Variants in ATAD2B observed in about 807,000 individuals in gnomAD.
ATAD2B encodes the protein ATPase family AAA domain-containing protein 2B.
In ATAD2B, 40 loss-of-function variants were observed where a neutral mutation model predicts 167.6. The observed-to-expected ratio is 0.24, with a 90% CI of 0.19 to 0.31. The LOEUF (loss-of-function observed/expected upper bound fraction) is 0.31. Ranked by LOEUF, ATAD2B falls within the 10% of genes least tolerant of loss-of-function variation. The pLI is 1.00. For missense variants in ATAD2B, 1,242 were observed against 1,757.2 expected (o/e 0.71, Z 5.24); for synonymous variants, 579 against 596.5 (o/e 0.97, Z 0.43).
intron 12 of ATAD2B, among the ~76,000 whole-genome samples, chr2:23,861,410 A>G (rs1694347727): frequency 6.6e-6 from 1 of 151,632 alleles, no homozygotes; most frequent in Admixed American, 6.6e-5. Flanking sequence ...TAGCCAATAC[A>G]CTGTAGTGCC....
rs771534065 is a variant in ATAD2B at position 23,887,966 on chromosome 2, A to G, written c.438T>C (p.Leu146=). Residue 146 remains leucine (L), a synonymous_variant, in exon 4 of 28, where the codon CTT becomes CTC. Transcript: ENST00000238789. ...CCCCATCTCCCTTCTTTTCCCCTCG[A>G]AGGGGATGGCTTCGAAGGGCTACAA... is the stretch of plus-strand genomic sequence containing the variant. ...HSGLSLRSHP[L]RGEKKGDGDL... 2.5e-6 allele frequency: 4 copies of G among 1,598,908 alleles called. No homozygotes were observed. The highest frequency in any genetic ancestry group is 2.3e-5 in the East Asian group (1 of 43,812).
intron 7 of ATAD2B, among the ~76,000 whole-genome samples, chr2:23,879,473 G>A (rs1043947378): frequency 1.3e-5 from 2 of 152,098 alleles, no homozygotes; most frequent in Non-Finnish European, 1.5e-5. Context: ...AGGCATGGTG[G>A]TTGTACACCT....
At position 23,762,990 on chromosome 2, in the gene ATAD2B, G is replaced by A. The variant is rs550677520; in HGVS notation, c.3257-644C>T. Among the ~76,000 whole-genome samples the A allele has an allele frequency of 2.1e-4, 32 of 152,212 alleles. No individual in the cohort carries two copies. In the Middle Eastern group the frequency reaches 0.01, roughly 49 times the overall value. On this transcript the variant is annotated intron_variant, in intron 23 of 27. Transcript: ENST00000238789. ...CTATTATATAATAATTCTCAAATCT[G>A]TATCTTTAGCCCAAACATCTCTGAT...
At chr2:23,715,473 C>A in the ATAD2B span, among the ~76,000 whole-genome samples, 1 of 151,846 alleles carries the variant, frequency 6.6e-6, no homozygotes, top group African/African-American at 2.4e-5. Context: ...ACTCGGGAGG[C>A]TGAGGCAGGA....
the ATAD2B span, among the ~76,000 whole-genome samples, chr2:23,737,689 C>G: frequency 6.6e-6 from 1 of 152,174 alleles, no homozygotes; most frequent in African/African-American, 2.4e-5. Context: ...CGGAACAAAG[C>G]TGGACGCAGA....
At chr2:23,915,205 T>C (rs1352225817) in intron 1 of ATAD2B, among the ~76,000 whole-genome samples, 1 of 152,272 alleles carries the variant, frequency 6.6e-6, no homozygotes, top group African/African-American at 2.4e-5. Flanking sequence ...ATAAGCTCTA[T>C]AGCTAAATAT....
rs11378615 is a variant in ATAD2B at position 23,834,152 on chromosome 2, C to CTTTTTTT, written c.1569-81_1569-75dup. On this transcript the variant is annotated intron_variant, in intron 13 of 27. Coordinates refer to ENST00000238789, the MANE Select transcript of ATAD2B (RefSeq NM_017552.4). ...CTTACAATAACGTTTATCAGTCTTT[C>CTTTTTTT]TTTTTTTTTTTTTTTTTTTTTTTTT... 259 of 119,638 alleles carry CTTTTTTT rather than the reference C, an allele frequency of 2.2e-3. 20 individuals are homozygous for CTTTTTTT. Among genetic ancestry groups the CTTTTTTT allele is most frequent in the African/African-American group, 2.5e-3 (46 of 18,454 alleles). The allele number at this position is 119,638 out of a possible 1,614,324, so 7.4% of individuals were successfully genotyped here.
the ATAD2B span, among the ~76,000 whole-genome samples, chr2:23,715,556 A>G: frequency 6.6e-6 from 1 of 152,112 alleles, no homozygotes; most frequent in African/African-American, 2.4e-5. Context: ...CCTGGGCAAC[A>G]GAGCAAGACT....
At chr2:23,805,111 C>G (rs2149495647) in intron 18 of ATAD2B, among the ~76,000 whole-genome samples, 1 of 151,260 alleles carries the variant, frequency 6.6e-6, no homozygotes, top group Non-Finnish European at 1.5e-5. Flanking sequence ...CTATTGTACT[C>G]CAGCCTGGAC....
intron 4 of ATAD2B, among the ~76,000 whole-genome samples, chr2:23,887,218 C>T (rs1352062853): frequency 1.3e-5 from 2 of 152,044 alleles, no homozygotes; most frequent in African/African-American, 2.4e-5. Flanking sequence ...GAGCCAAGAT[C>T]GCGTCACTGC....
At chr2:23,767,680 T>C (rs560879960) in intron 22 of ATAD2B, among the ~76,000 whole-genome samples, 15 of 152,242 alleles carry the variant, frequency 9.9e-5, no homozygotes, top group Non-Finnish European at 1.5e-5. Context: ...GCATAGTCAC[T>C]AGGCTTTATT....
chr2:23,865,059 T>A, intron 10 of ATAD2B, 135 bp from the exon 11 acceptor site: 1 of 494,162 alleles, frequency 2.0e-6, no homozygotes. Context: ...TACAAATAAG[T>A]GTAGAAAAAA....
intron 8 of ATAD2B, among the ~76,000 whole-genome samples, chr2:23,870,208 G>GA (rs11301038): frequency 1.8e-3 from 222 of 123,902 alleles, no homozygotes; most frequent in Non-Finnish European, 2.6e-3. Context: ...CTCCTTCTCG[G>GA]AAAAAAAAAA....
At chr2:23,715,137 G>C in the ATAD2B span, among the ~76,000 whole-genome samples, 1 of 152,112 alleles carries the variant, frequency 6.6e-6, no homozygotes, top group South Asian at 2.1e-4. Context: ...TCTGGAAAAG[G>C]CTCTTAGACA....
At chr2:23,804,476 T>A (rs1684016492) in intron 18 of ATAD2B, among the ~76,000 whole-genome samples, 1 of 152,090 alleles carries the variant, frequency 6.6e-6, no homozygotes, top group Admixed American at 6.6e-5. Flanking sequence ...ATGAGATGCC[T>A]TAATGTACTA....
chr2:23,684,569 G>C, the ATAD2B span: 8 of 1,517,746 alleles, frequency 5.3e-6, no homozygotes, highest in East Asian at 2.5e-5. The surrounding 1 kb of genome is among the most constrained non-coding windows in gnomAD (Gnocchi z 4.4). Flanking sequence ...GGTCGGGTCT[G>C]TTCCTTTGTA....
intron 18 of ATAD2B, among the ~76,000 whole-genome samples, chr2:23,807,822 A>ATATATAT (rs1252139455): frequency 7.9e-6 from 1 of 126,220 alleles, no homozygotes; most frequent in African/African-American, 3.1e-5. Flanking sequence ...TCTTAAAAAA[A>ATATATAT]AAAAAAATAT....
At chr2:23,716,188 T>C in the ATAD2B span, among the ~76,000 whole-genome samples, 1 of 152,192 alleles carries the variant, frequency 6.6e-6, no homozygotes. Context: ...CACAGTGAAA[T>C]TGTTAGAAAA....
intron 17 of ATAD2B, among the ~76,000 whole-genome samples, chr2:23,818,319 A>G (rs1686896330): frequency 7.2e-6 from 1 of 139,414 alleles, no homozygotes; most frequent in Non-Finnish European, 1.6e-5. Flanking sequence ...AGAAAGAGAG[A>G]GAGACAGAGA....
Sources: gnomAD v4.1 joint callset for allele counts (sites outside exome capture counted in the v4.1 genomes callset) on GRCh38, gnomAD v4.1.1 for gene constraint, Gnocchi (gnomAD v3.1) non-coding constraint, MANE v1.5 for transcripts, NCBI Gene and HGNC (gene_info 2026-07-23, HGNC 2026-07-21) for gene names.